Variants in UNC79 observed in about 807,000 individuals in gnomAD.
The protein encoded by UNC79 is protein unc-79 homolog.
UNC79 carries 37 observed loss-of-function variants against 283.1 expected under a neutral mutation model. The observed-to-expected ratio is 0.13, with a 90% confidence interval of 0.10 to 0.17. The LOEUF is 0.17. UNC79 is among the 10% of genes least tolerant of loss of function. The pLI is 1.00. For missense variants in UNC79, 2,272 were observed against 3,211.1 expected, an observed-to-expected ratio of 0.71 and a Z score of 7.07; for synonymous variants, 1,107 against 1,200.2, an observed-to-expected ratio of 0.92 and a Z score of 1.61.
At chr14:93,639,519 A>G (rs556376048) in intron 32 of UNC79, among the ~76,000 whole-genome samples, 1 of 152,342 alleles carries the variant, frequency 6.6e-6, no homozygotes, top group Admixed American at 6.5e-5. Context: ...TTATGAAACA[A>G]TTGAAGATCT....
chr14:93,453,859 G>A (rs2056719899), intron 1 of UNC79, among the ~76,000 whole-genome samples: 3 of 152,106 alleles, frequency 2.0e-5, no homozygotes. Flanking sequence ...ATCATGAAAT[G>A]AATCTGACTT....
chr14:93,654,088 G>A (rs2070632024), intron 37 of UNC79, 63 bp downstream of exon 40: 2 of 1,463,166 alleles, frequency 1.4e-6, no homozygotes, highest in South Asian at 2.3e-5. Flanking sequence ...CACAACTGTG[G>A]GCTGTGTTTC....
intron 8 of UNC79, among the ~76,000 whole-genome samples, chr14:93,524,675 C>A (rs1233795602): frequency 6.6e-6 from 1 of 152,156 alleles, no homozygotes; most frequent in East Asian, 1.9e-4. Flanking sequence ...CCTAGTATAA[C>A]CCTGAATCTT....
Position 93,690,432 on chromosome 14 carries a change from C to A in UNC79, c.7272+129C>A. 9.6e-7 allele frequency: 1 copy of A among 1,037,178 alleles called. No individual in the cohort carries two copies. Among genetic ancestry groups the A allele is most frequent in the Non-Finnish European group, 1.4e-6 (1 of 736,072 alleles). The allele number at this position is 1,037,178 out of a possible 1,614,324, so 64.2% of individuals were successfully genotyped here. On this transcript the variant is annotated intron_variant, in intron 45 of 48. Transcript: ENST00000555664. The surrounding 1 kb of genome is among the most constrained non-coding windows in gnomAD (Gnocchi z 4.3). Reference sequence around the variant, plus strand: ...TGCCCTCCTGTGGATGTTAGAAACACAACTTTGTGCTAATGTCTTATTTAA... The same window carrying A: ...TGCCCTCCTGTGGATGTTAGAAACAAAACTTTGTGCTAATGTCTTATTTAA...
chr14:93,586,817 A>T (rs779729143), exon 22 of UNC79: 1 of 1,613,966 alleles, frequency 6.2e-7, no homozygotes, highest in Non-Finnish European at 8.5e-7. Context: ...TTGCCTGAAG[A>T]TTCTCTGTCT....
At chr14:93,487,797 T>C (rs1566988677) in intron 5 of UNC79, 42 bp downstream of exon 5, 5 of 1,565,134 alleles carry the variant, frequency 3.2e-6, no homozygotes, top group Non-Finnish European at 4.4e-6. Context: ...CTAGTACCAA[T>C]AATTAAACAA....
chr14:93,611,877 T>C (rs775638137), intron 26 of UNC79, among the ~76,000 whole-genome samples: 2 of 151,712 alleles, frequency 1.3e-5, no homozygotes, highest in Non-Finnish European at 2.9e-5. Flanking sequence ...TTTTGAATAA[T>C]CCCCAAACCA....
intron 14 of UNC79, among the ~76,000 whole-genome samples, chr14:93,548,253 G>A (rs2061701111): frequency 6.6e-6 from 1 of 152,132 alleles, no homozygotes; most frequent in South Asian, 2.1e-4. Context: ...GTGTCCTTAT[G>A]TGGTGGAAGG....
intron 10 of UNC79, among the ~76,000 whole-genome samples, chr14:93,530,504 T>A (rs1394792245): frequency 6.6e-6 from 1 of 151,780 alleles, no homozygotes; most frequent in Non-Finnish European, 1.5e-5. Flanking sequence ...CCCAGCTACT[T>A]GAGAGTCTGA....
chr14:93,604,013 C>G (rs1312509732), intron 26 of UNC79, among the ~76,000 whole-genome samples: 2 of 152,024 alleles, frequency 1.3e-5, no homozygotes, highest in Non-Finnish European at 2.9e-5. Context: ...TATACTTGCT[C>G]TATAAAAGGT....
chr14:93,653,055 A>C (rs1221267868), intron 35 of UNC79, among the ~76,000 whole-genome samples: 1 of 151,884 alleles, frequency 6.6e-6, no homozygotes, highest in Non-Finnish European at 1.5e-5. Context: ...AGTACTTCTT[A>C]CTCTTTATCT....
At chr14:93,423,719 T>C (rs2055661420) in intron 1 of UNC79, among the ~76,000 whole-genome samples, 1 of 152,174 alleles carries the variant, frequency 6.6e-6, no homozygotes, top group Non-Finnish European at 1.5e-5. Flanking sequence ...CAAATCAAAA[T>C]GGATTAAAGA....
chr14:93,458,003 T>A (rs2140199806), intron 1 of UNC79, among the ~76,000 whole-genome samples: 1 of 152,260 alleles, frequency 6.6e-6, no homozygotes, highest in East Asian at 1.9e-4. Flanking sequence ...AATAAAAAGG[T>A]TTCAGGCATA....
At chr14:93,504,112 T>C (rs1205735489) in intron 7 of UNC79, among the ~76,000 whole-genome samples, 1 of 151,994 alleles carries the variant, frequency 6.6e-6, no homozygotes, top group Non-Finnish European at 1.5e-5. Context: ...GTTCAACTGG[T>C]TTATTTCTCC....
At chr14:93,373,157 A>C (rs895444840) in intron 1 of UNC79, among the ~76,000 whole-genome samples, 1 of 152,244 alleles carries the variant, frequency 6.6e-6, no homozygotes, top group Non-Finnish European at 1.5e-5. Context: ...TGGGATGCAC[A>C]AAAGTAGAGC....
intron 7 of UNC79, among the ~76,000 whole-genome samples, chr14:93,515,214 C>A (rs1209120513): frequency 6.6e-6 from 1 of 151,674 alleles, no homozygotes; most frequent in Non-Finnish European, 1.5e-5. Context: ...CCAAATTCTA[C>A]CCCCCATTAT....
chr14:93,347,157 C>A, intron 1 of UNC79: 1 of 1,333,886 alleles, frequency 7.5e-7, no homozygotes, highest in Non-Finnish European at 1.0e-6. Flanking sequence ...AGCGCCCCCT[C>A]GTGGCTGGGG....
At position 93,536,782 on chromosome 14, in the gene UNC79, C is replaced by CTT. The variant is rs35677025; in HGVS notation, c.1123-1188_1123-1187dup. Among the ~76,000 whole-genome samples the CTT allele has an allele frequency of 6.5e-3, 537 of 82,434 alleles. 3 individuals are homozygous for CTT. Among genetic ancestry groups the CTT allele is most frequent in the East Asian group, 0.017 (38 of 2,214 alleles). 54.1% of individuals were successfully genotyped at this position (82,434 alleles called of 152,430 possible). A position where few individuals can be genotyped will look rare whatever the true frequency, so the allele number is the denominator to read the frequency against. ...GAAGGCACCCCCCACCCACCCCCGG[C>CTT]TTTTTTTTTTTTTTTTTTTTGTCTA... On this transcript the variant is annotated intron_variant, in intron 11 of 48. Coordinates refer to ENST00000555664, the Ensembl canonical transcript of UNC79.
chr14:93,528,595 A>G (rs1285489656), exon 9 of UNC79: 4 of 1,613,870 alleles, frequency 2.5e-6, no homozygotes, highest in Non-Finnish European at 3.4e-6. Context: ...GCGTTGGGTG[A>G]TAAACCACCC....
Sources: allele counts gnomAD v4.1 joint callset (sites outside exome capture counted in the v4.1 genomes callset), GRCh38; gene constraint gnomAD v4.1.1; non-coding constraint Gnocchi (gnomAD v3.1); transcripts MANE v1.5; gene names NCBI Gene and HGNC (gene_info 2026-07-23, HGNC 2026-07-21).